Variants in PTK2 observed in about 807,000 individuals in gnomAD.
PTK2 encodes focal adhesion kinase 1.
In PTK2, 45 loss-of-function variants were observed where a neutral mutation model predicts 150.1. The observed-to-expected ratio is 0.30, with a 90% confidence interval of 0.24 to 0.38. The LOEUF is 0.38. PTK2 is among the 10% of genes least tolerant of loss of function. PTK2 has a pLI of 1.00. For missense variants in PTK2, 919 were observed against 1,307.3 expected (o/e 0.70, Z 4.58); for synonymous variants, 432 against 449.2 (o/e 0.96, Z 0.48).
intron 1 of PTK2, among the ~76,000 whole-genome samples, chr8:140,967,017 C>A (rs567662732): frequency 2.0e-5 from 3 of 152,324 alleles, no homozygotes; most frequent in East Asian, 1.9e-4. Context: ...CTGATCATAA[C>A]AATAGCAGCT....
intron 20 of PTK2, among the ~76,000 whole-genome samples, chr8:140,740,138 TA>T (rs1250891937): frequency 1.3e-5 from 2 of 152,184 alleles, no homozygotes; most frequent in Non-Finnish European, 2.9e-5. Flanking sequence ...AAAACCTTAG[TA>T]AACATTTCCT....
intron 27 of PTK2, among the ~76,000 whole-genome samples, chr8:140,682,049 C>T (rs2100017306): frequency 6.6e-6 from 1 of 152,194 alleles, no homozygotes; most frequent in African/African-American, 2.4e-5. Context: ...GCATTCTCCC[C>T]CTGCTACATC....
intron 4 of PTK2, among the ~76,000 whole-genome samples, chr8:140,877,332 C>T (rs1375753390): frequency 6.6e-6 from 1 of 152,128 alleles, no homozygotes; most frequent in Admixed American, 6.5e-5. Context: ...CCACACCTAG[C>T]CAACTTTCAC....
At chr8:140,915,584 A>G (rs944722297) in intron 2 of PTK2, among the ~76,000 whole-genome samples, 1 of 152,076 alleles carries the variant, frequency 6.6e-6, no homozygotes, top group African/African-American at 2.4e-5. Context: ...TTCACTTAGA[A>G]GGTCATATTT....
rs564148957 is a variant in PTK2, at chr8:140,773,263, G to C, written c.1178-8973C>G. 4.6e-5 allele frequency among the ~76,000 whole-genome samples: 7 copies of C among 152,194 alleles called. No individual in the cohort carries two copies. The East Asian group carries it at 1.3e-3, about 29-fold the overall frequency. On this transcript the variant is annotated intron_variant, in intron 14 of 31. Transcript: ENST00000522684. The stretch of plus-strand genomic sequence containing the variant: ...ATTCAAGATAATCATTTTAATTATT[G>C]AACACCTGCCATAAACTAGGCATAC...
chr8:140,902,924 G>GTTTTTTTTT (rs61261890), intron 2 of PTK2, among the ~76,000 whole-genome samples: 13 of 58,960 alleles, frequency 2.2e-4, no homozygotes, highest in East Asian at 7.9e-4. Flanking sequence ...GATGAGAGTT[G>GTTTTTTTTT]TTTTTTTTTT....
At chr8:140,748,505 A>AAAG (rs1422883859) in intron 17 of PTK2, among the ~76,000 whole-genome samples, 51 of 151,304 alleles carry the variant, frequency 3.4e-4, no homozygotes, top group African/African-American at 1.2e-3. Context: ...TCAAAAAAAA[A>AAAG]AAAAAAAAAA....
chr8:140,979,122 A>C, intron 1 of PTK2, among the ~76,000 whole-genome samples: 1 of 45,770 alleles, frequency 2.2e-5, no homozygotes, highest in African/African-American at 9.5e-5. Flanking sequence ...GGGTGGGGGG[A>C]GGGGGGAGGG....
chr8:140,702,725 G>T lies in PTK2; in HGVS notation c.2230-18C>A. The T allele has an allele frequency of 6.2e-7, 1 of 1,611,840 alleles. No homozygotes were observed. The highest frequency in any genetic ancestry group is 1.7e-5 in the Admixed American group (1 of 59,914). On this transcript the variant is annotated intron_variant, in intron 24 of 31. Coordinates refer to ENST00000522684, the Ensembl canonical transcript of PTK2. ...CCAGAAACCTGTGAATGAGTAAGGA[G>T]GCAAGGTAATGTTCAACTATAACAT...
At chr8:140,659,540 C>T in exon 32 of PTK2, 1 of 1,613,912 alleles carries the variant, frequency 6.2e-7, no homozygotes, top group South Asian at 1.1e-5. Flanking sequence ...TTGGCATCCA[C>T]AGCCAGGGCG....
At chr8:140,706,516 A>G (rs1399785174) in intron 23 of PTK2, among the ~76,000 whole-genome samples, 2 of 152,194 alleles carry the variant, frequency 1.3e-5, no homozygotes, top group South Asian at 2.1e-4. Context: ...ACTTAAGAGT[A>G]TATCTTGGGC....
chr8:140,679,969 G>A (rs2100016104), intron 27 of PTK2, among the ~76,000 whole-genome samples: 1 of 152,182 alleles, frequency 6.6e-6, no homozygotes, highest in South Asian at 2.1e-4. Flanking sequence ...CCCCAGGAAG[G>A]CAGTGAAGTC....
intron 1 of PTK2, among the ~76,000 whole-genome samples, chr8:140,926,726 A>C (rs940607367): frequency 3.8e-4 from 58 of 152,228 alleles, no homozygotes; most frequent in Admixed American, 2.6e-4. Flanking sequence ...AAATACAAAA[A>C]ATAGATGGGA....
intron 23 of PTK2, among the ~76,000 whole-genome samples, chr8:140,708,198 C>T (rs60834846): frequency 0.038 from 5,821 of 152,100 alleles, 294 homozygotes; most frequent in African/African-American, 0.11. Flanking sequence ...GGAAAGAAAA[C>T]GCCTTAGTGT....
At position 140,833,048 on chromosome 8, in the gene PTK2, A is replaced by G; in HGVS notation, c.594-2522T>C. 5.8e-6 allele frequency: 3 copies of G among 519,046 alleles called. 1 individual carries two copies. The highest frequency in any genetic ancestry group is 4.2e-5 in the South Asian group (3 of 71,598). The allele number at this position is 519,046 out of a possible 1,614,324, so 32.2% of individuals were successfully genotyped here. On this transcript the variant is annotated intron_variant, in intron 7 of 31. Coordinates refer to ENST00000522684, the Ensembl canonical transcript of PTK2. ...CTTACCATATTCATTGCTGTCACAAATAAGAAAGTTAAAGATAAACCAAAA... is the reference window on the plus strand; with the variant it reads ...CTTACCATATTCATTGCTGTCACAAGTAAGAAAGTTAAAGATAAACCAAAA...
intron 26 of PTK2, 29 bp downstream of exon 29, chr8:140,700,862 T>G: frequency 1.2e-6 from 2 of 1,611,944 alleles, no homozygotes; most frequent in East Asian, 4.5e-5. Context: ...GCTTAAAAAG[T>G]CAAAGAAGCC....
chr8:140,778,381 G>A (rs2100079624), intron 14 of PTK2, among the ~76,000 whole-genome samples: 1 of 152,228 alleles, frequency 6.6e-6, no homozygotes, highest in Non-Finnish European at 1.5e-5. Flanking sequence ...AACCCGGGAA[G>A]CGGAGATTGC....
chr8:140,829,435 G>C (rs2100113966), intron 8 of PTK2, among the ~76,000 whole-genome samples: 1 of 152,148 alleles, frequency 6.6e-6, no homozygotes, highest in South Asian at 2.1e-4. Context: ...CCGGCCCAAT[G>C]ATAATCAACA....
intron 8 of PTK2, among the ~76,000 whole-genome samples, chr8:140,825,078 C>A (rs1397559636): frequency 3.9e-5 from 6 of 152,156 alleles, no homozygotes. Flanking sequence ...TAAGGCAATG[C>A]CAAGGAAAAT....
Sources: allele counts gnomAD v4.1 joint callset (sites outside exome capture counted in the v4.1 genomes callset), GRCh38; gene constraint gnomAD v4.1.1; transcripts MANE v1.5; gene names NCBI Gene and HGNC (gene_info 2026-07-23, HGNC 2026-07-21).